Variants in NCKAP5 observed in about 807,000 individuals in gnomAD.
The protein encoded by NCKAP5 is NCK associated protein 5, also known as nck-associated protein 5.
NCKAP5 carries 92 observed loss-of-function variants against 167.0 expected under a neutral mutation model. The ratio of observed to expected loss-of-function variants is 0.55; its 90% confidence interval spans 0.47 to 0.66. The LOEUF (loss-of-function observed/expected upper bound fraction) is 0.66. Among genes scored for constraint, NCKAP5 ranks in the 30% least tolerant of loss-of-function variants. NCKAP5 has a pLI of 0.00. For synonymous variants in NCKAP5, 891 were observed against 877.4 expected (o/e 1.02, Z -0.27); for missense variants, 2,378 against 2,315.0 (o/e 1.03, Z -0.56).
At chr2:133,136,836 T>C (rs2082803871) in intron 5 of NCKAP5, among the ~76,000 whole-genome samples, 1 of 152,188 alleles carries the variant, frequency 6.6e-6, no homozygotes, top group African/African-American at 2.4e-5. Context: ...CAGTCACAGG[T>C]ATCTCCACGT....
At chr2:133,663,220 T>C in the NCKAP5 span, among the ~76,000 whole-genome samples, 20 of 149,350 alleles carry the variant, frequency 1.3e-4, no homozygotes, top group African/African-American at 4.5e-4. Flanking sequence ...GAGCCGAGAT[T>C]GCGCCACTGC....
chr2:133,105,003 G>A (rs763200215), intron 6 of NCKAP5, among the ~76,000 whole-genome samples: 31 of 152,094 alleles, frequency 2.0e-4, no homozygotes, highest in Non-Finnish European at 4.3e-4. Flanking sequence ...ACTCTCTCCC[G>A]CTAATAAGTA....
At chr2:132,823,668 C>G (rs1414774138) in intron 11 of NCKAP5, among the ~76,000 whole-genome samples, 1 of 151,938 alleles carries the variant, frequency 6.6e-6, no homozygotes, top group Admixed American at 6.6e-5. Context: ...GGTATTAAGG[C>G]GACAACTAAC....
chr2:133,586,753 A>T, the NCKAP5 span, among the ~76,000 whole-genome samples: 4 of 36,978 alleles, frequency 1.1e-4, no homozygotes, highest in Admixed American at 6.4e-4. Flanking sequence ...CAGCAATATC[A>T]CACACACACA....
chr2:132,944,109 G>T (rs548695849), intron 8 of NCKAP5, among the ~76,000 whole-genome samples: 2 of 152,192 alleles, frequency 1.3e-5, no homozygotes, highest in Non-Finnish European at 2.9e-5. Flanking sequence ...GACTTGAACC[G>T]TGTCTTATAA....
chr2:133,208,777 T>C (rs914392033), intron 5 of NCKAP5, among the ~76,000 whole-genome samples: 1 of 152,182 alleles, frequency 6.6e-6, no homozygotes, highest in African/African-American at 2.4e-5. Context: ...AAAAACACTC[T>C]AGACTATATT....
At chr2:133,290,873 C>T (rs1679547320) in intron 4 of NCKAP5, among the ~76,000 whole-genome samples, 1 of 151,788 alleles carries the variant, frequency 6.6e-6, no homozygotes, top group Non-Finnish European at 1.5e-5. Context: ...CCCACCTCAG[C>T]CTCCTGAGTA....
chr2:132,935,961 C>T (rs973559936), intron 8 of NCKAP5, among the ~76,000 whole-genome samples: 1 of 151,524 alleles, frequency 6.6e-6, no homozygotes, highest in Non-Finnish European at 1.5e-5. Flanking sequence ...GTTAAACTAC[C>T]TTAAATAATA....
the NCKAP5 span, among the ~76,000 whole-genome samples, chr2:133,611,448 G>GCTTGTA: frequency 6.6e-6 from 1 of 152,158 alleles, no homozygotes; most frequent in Non-Finnish European, 1.5e-5. Flanking sequence ...TATCTACCAG[G>GCTTGTA]ATGACAGGTT....
intron 3 of NCKAP5, among the ~76,000 whole-genome samples, chr2:133,503,009 C>T (rs774383161): frequency 2.6e-5 from 4 of 152,146 alleles, no homozygotes; most frequent in Non-Finnish European, 4.4e-5. Context: ...CTTCTGGCAT[C>T]TGAGAGTGGA....
chr2:132,886,441 T>C (rs1295678843), intron 8 of NCKAP5, among the ~76,000 whole-genome samples: 1 of 152,220 alleles, frequency 6.6e-6, no homozygotes, highest in Non-Finnish European at 1.5e-5. Context: ...AAATTAACAT[T>C]GATGCAATAG....
chr2:133,061,929 A>G lies in NCKAP5; in HGVS notation c.342-67690T>C, dbSNP rs374193449. 8.5e-5 allele frequency among the ~76,000 whole-genome samples: 13 copies of G among 152,288 alleles called. 1 individual carries two copies. In the East Asian group the frequency reaches 2.3e-3, roughly 27 times the overall value. On this transcript the variant is annotated intron_variant, in intron 6 of 19. Coordinates refer to ENST00000409261, the MANE Select transcript of NCKAP5 (RefSeq NM_207363.3). ...GGTTTCATTTAAAACTGACAGTGCA[A>G]CATGCCCACATTTTTTTTGGTAAGT... is the stretch of plus-strand genomic sequence containing the variant.
intron 19 of NCKAP5, among the ~76,000 whole-genome samples, chr2:132,710,154 G>T (rs1688710797): frequency 6.6e-6 from 1 of 152,042 alleles, no homozygotes. Flanking sequence ...TGTAACTTCT[G>T]ATAAAATTCA....
the NCKAP5 span, among the ~76,000 whole-genome samples, chr2:133,606,001 C>T: frequency 1.3e-5 from 2 of 152,074 alleles, no homozygotes; most frequent in African/African-American, 4.8e-5. Context: ...TTTGCATATG[C>T]CACAATTACA....
chr2:133,325,763 G>T (rs1421834790), intron 3 of NCKAP5, among the ~76,000 whole-genome samples: 1 of 152,184 alleles, frequency 6.6e-6, no homozygotes, highest in Non-Finnish European at 1.5e-5. Flanking sequence ...GATGGGCACT[G>T]GACCTAATCA....
At chr2:133,140,919 C>T (rs1023433203) in intron 5 of NCKAP5, among the ~76,000 whole-genome samples, 2 of 151,910 alleles carry the variant, frequency 1.3e-5, no homozygotes, top group African/African-American at 4.8e-5. Flanking sequence ...TTCCTTCAGG[C>T]AGGGATTAGG....
chr2:133,345,062 T>G (rs1654244751), intron 3 of NCKAP5, among the ~76,000 whole-genome samples: 1 of 152,078 alleles, frequency 6.6e-6, no homozygotes, highest in African/African-American at 2.4e-5. Context: ...AAGGGGCCCC[T>G]GGGGAGGAGG....
At chr2:132,907,462 C>T (rs1433982898) in intron 8 of NCKAP5, among the ~76,000 whole-genome samples, 1 of 152,154 alleles carries the variant, frequency 6.6e-6, no homozygotes, top group Non-Finnish European at 1.5e-5. Flanking sequence ...TCTTAAGATA[C>T]TCAGTTTAGC....
intron 5 of NCKAP5, among the ~76,000 whole-genome samples, chr2:133,172,295 A>G (rs770665501): frequency 2.6e-5 from 4 of 152,212 alleles, no homozygotes; most frequent in Non-Finnish European, 4.4e-5. Context: ...AGAACAAAAC[A>G]AATAACCCTA....
Sources: allele counts gnomAD v4.1 joint callset (sites outside exome capture counted in the v4.1 genomes callset), GRCh38; gene constraint gnomAD v4.1.1; transcripts MANE v1.5; gene names NCBI Gene and HGNC (gene_info 2026-07-23, HGNC 2026-07-21).